Variants in TEX264 observed in about 807,000 individuals in gnomAD.
The protein encoded by TEX264 is testis expressed 264, ER-phagy receptor.
In TEX264, 13 loss-of-function variants were observed where a neutral mutation model predicts 23.4. That is an observed-to-expected ratio of 0.56 (90% confidence interval 0.36 to 0.88). The LOEUF is 0.88. Ranked by LOEUF, TEX264 falls within the 40% of genes least tolerant of loss-of-function variation. The pLI, the probability that TEX264 is intolerant of heterozygous loss-of-function variation, is 0.01. For synonymous variants in TEX264, 159 were observed against 170.0 expected, an observed-to-expected ratio of 0.94 and a Z score of 0.50; for missense variants, 340 against 406.8, an observed-to-expected ratio of 0.84 and a Z score of 1.41.
Position 51,703,823 on chromosome 3 carries a change from G to T in TEX264, c.749G>T (p.Arg250Leu). The change falls in exon 5 of 5, where the codon CGT becomes CTT. Residue 250 changes from arginine to leucine, a missense_variant. Arg to Leu is a moderately radical substitution (Grantham distance 102, BLOSUM62 -2). Transcript: ENST00000341333. This position sits in a 1 kb window ranked among gnomAD's most constrained non-coding sequence, Gnocchi z 4.8. ...ACACTGTCACCTGGGGCGAGCAGCCGTGGCTGGGATGACGGTGACACCCGC... is the reference window on the plus strand; with the variant it reads ...ACACTGTCACCTGGGGCGAGCAGCCTTGGCTGGGATGACGGTGACACCCGC... ...AATLSPGASSRGWDDGDTRSE... is the reference protein window; with the variant it reads ...AATLSPGASSLGWDDGDTRSE... The T allele has an allele frequency of 6.2e-7, 1 of 1,612,744 alleles. No homozygotes were observed. The highest frequency in any genetic ancestry group is 8.5e-7 in the Non-Finnish European group (1 of 1,179,062).
intron 3 of TEX264, among the ~76,000 whole-genome samples, chr3:51,687,457 G>A (rs760173721): frequency 3.3e-5 from 5 of 152,246 alleles, no homozygotes; most frequent in African/African-American, 9.6e-5. Context: ...CATCTCCCCT[G>A]CCCTGAGGTC....
chr3:51,695,588 G>A (rs1008529334), intron 3 of TEX264, among the ~76,000 whole-genome samples: 1 of 152,250 alleles, frequency 6.6e-6, no homozygotes, highest in Non-Finnish European at 1.5e-5. Context: ...TGCTGGGGAG[G>A]CACTGTGGGT....
chr3:51,690,630 C>T (rs1360948779), intron 3 of TEX264, among the ~76,000 whole-genome samples: 12 of 152,038 alleles, frequency 7.9e-5, no homozygotes, highest in Non-Finnish European at 2.9e-5. Flanking sequence ...TTCCCTCTTC[C>T]TGCCTGTCAC....
At chr3:51,694,085 G>T (rs28557153) in intron 3 of TEX264, among the ~76,000 whole-genome samples, 4,573 of 84,858 alleles carry the variant, frequency 0.054, 182 homozygotes, top group African/African-American at 0.073. Flanking sequence ...CCTTCCGTCC[G>T]TCCTTCCTTC....
At chr3:51,688,097 A>G (rs1206245631) in intron 3 of TEX264, among the ~76,000 whole-genome samples, 1 of 152,208 alleles carries the variant, frequency 6.6e-6, no homozygotes, top group Non-Finnish European at 1.5e-5. Flanking sequence ...ATCACTCCAT[A>G]TGGAAGATGC....
chr3:51,699,497 A>G lies in TEX264; in HGVS notation c.572A>G (p.Tyr191Cys), dbSNP rs748478449. The G allele has an allele frequency of 1.2e-5, 20 of 1,614,000 alleles. No individual in the cohort carries two copies. The highest frequency in any genetic ancestry group is 8.0e-5 in the African/African-American group (6 of 74,932). Residue 191 changes from tyrosine to cysteine, a missense_variant, in exon 4 of 5, where the codon TAT becomes TGT. Physicochemically the swap from Tyr to Cys is radical, Grantham distance 194. Transcript: ENST00000341333. ...CCACTGGCACGGCAGGGAGACTTCT[A>G]TGTGCCTGAGATGAAGGAGACAGAG... is the stretch of plus-strand genomic sequence containing the variant. Reference protein sequence around the residue: ...MCPLARQGDFYVPEMKETEWK... With the variant: ...MCPLARQGDFCVPEMKETEWK...
At chr3:51,696,504 G>C (rs1295689434) in intron 3 of TEX264, among the ~76,000 whole-genome samples, 1 of 152,220 alleles carries the variant, frequency 6.6e-6, no homozygotes, top group African/African-American at 2.4e-5. Flanking sequence ...TGGTCACCCT[G>C]TCTTCCCTCC....
rs571789150 is a variant in TEX264 at position 51,677,283 on chromosome 3, G to C, written c.258+2721G>C. Among the ~76,000 whole-genome samples the C allele has an allele frequency of 4.4e-4, 67 of 152,296 alleles. 2 individuals carry two copies. The South Asian group carries it at 7.3e-3, about 16-fold the overall frequency. Reference sequence around the variant, plus strand: ...TAGGGTACCATGGGGACCAGGACCTGCCAGTGTGTGGGTGTTAGGAGCCTA... The same window carrying C: ...TAGGGTACCATGGGGACCAGGACCTCCCAGTGTGTGGGTGTTAGGAGCCTA... On this transcript the variant is annotated intron_variant, in intron 2 of 4. Transcript: ENST00000341333.
intron 4 of TEX264, among the ~76,000 whole-genome samples, chr3:51,702,567 A>G (rs955208253): frequency 2.0e-5 from 3 of 152,176 alleles, no homozygotes; most frequent in Non-Finnish European, 2.9e-5. Flanking sequence ...GGCGCCAAGC[A>G]GACCCCAGCT....
intron 3 of TEX264, among the ~76,000 whole-genome samples, chr3:51,685,083 G>A (rs1365287653): frequency 1.3e-5 from 2 of 152,204 alleles, no homozygotes; most frequent in Non-Finnish European, 2.9e-5. Context: ...TTATACATCT[G>A]CTCCCAGAGG....
At chr3:51,701,525 A>G (rs1291797841) in intron 4 of TEX264, among the ~76,000 whole-genome samples, 1 of 151,934 alleles carries the variant, frequency 6.6e-6, no homozygotes, top group Non-Finnish European at 1.5e-5. Flanking sequence ...GTGTTTCGCC[A>G]TATTGCCCAG....
intron 2 of TEX264, chr3:51,682,468 G>C (rs893033880): frequency 6.6e-6 from 1 of 152,342 alleles, no homozygotes; most frequent in Non-Finnish European, 1.5e-5. Flanking sequence ...ATTTGAACCG[G>C]AAGGACAGGC....
At position 51,703,731 on chromosome 3, in the gene TEX264, C is replaced by T. The variant is rs1257933746; in HGVS notation, c.657C>T (p.Asp219=). ...IDTQVDGTGA[D]TMSDTSSVSL... The stretch of plus-strand genomic sequence containing the variant: ...CCCTTTTCCTGGTCATAGGAGCTGA[C>T]ACAATGAGTGACACGAGTTCTGTAA... The change falls in exon 5 of 5, where the codon GAC becomes GAT. Residue 219 remains aspartate, a synonymous_variant. Coordinates refer to ENST00000341333, the MANE Select transcript of TEX264 (RefSeq NM_015926.6). The surrounding 1 kb of genome is among the most constrained non-coding windows in gnomAD (Gnocchi z 4.8). 1.3e-6 allele frequency: 2 copies of T among 1,586,356 alleles called. No homozygotes were observed. The highest frequency in any genetic ancestry group is 2.3e-5 in the South Asian group (2 of 88,830).
chr3:51,674,381 G>A lies in TEX264; in HGVS notation c.77G>A (p.Gly26Glu), dbSNP rs368266955. Reference protein sequence around the residue: ...LLLLTLLAFAGYSGLLAGVEV... With the variant: ...LLLLTLLAFAEYSGLLAGVEV... ...CTGCTGACGCTGCTGGCCTTTGCCG[G>A]GTACTCAGGGCTACTGGCTGGGGTG... Residue 26 changes from glycine to glutamate, a missense_variant, in exon 2 of 5, where the codon GGG (glycine) becomes GAG (glutamate). Coordinates refer to ENST00000341333, the MANE Select transcript of TEX264 (RefSeq NM_015926.6). The A allele has an allele frequency of 1.2e-6, 2 of 1,614,228 alleles. No homozygotes were observed. Among genetic ancestry groups the A allele is most frequent in the Non-Finnish European group, 1.7e-6 (2 of 1,180,042 alleles).
Position 51,684,413 on chromosome 3 carries a change from G to C in TEX264, c.259G>C (p.Val87Leu). Residue 87 changes from valine to leucine, a missense_variant and splice_region_variant, in exon 3 of 5, where the codon GTG (valine) becomes CTG (leucine). By Grantham distance (32) the Val-to-Leu change is conservative. Transcript: ENST00000341333. ...IAVYYDNPHM[V>L]PPDKCRCAVG... The stretch of plus-strand genomic sequence containing the variant: ...TCACACCCATGCTTTGCTTCCCCAG[G>C]TGCCCCCTGATAAGTGCCGATGTGC... 1 of 1,613,652 alleles carries C rather than the reference G, an allele frequency of 6.2e-7. No homozygotes were observed. The highest frequency in any genetic ancestry group is 8.5e-7 in the Non-Finnish European group (1 of 1,179,624).
At chr3:51,694,045 T>TCCTC (rs1318013978) in intron 3 of TEX264, among the ~76,000 whole-genome samples, 6 of 117,370 alleles carry the variant, frequency 5.1e-5, no homozygotes, top group African/African-American at 2.0e-4. Context: ...CTTCCTTCCT[T>TCCTC]CCTCCCTTCC....
intron 3 of TEX264, among the ~76,000 whole-genome samples, chr3:51,698,444 G>T (rs1703154682): frequency 6.6e-6 from 1 of 152,198 alleles, no homozygotes; most frequent in African/African-American, 2.4e-5. Flanking sequence ...GTGGGTATTT[G>T]TGCTCCTTCG....
At chr3:51,694,049 CCCTT>C (rs1455202885) in intron 3 of TEX264, among the ~76,000 whole-genome samples, 2 of 98,942 alleles carry the variant, frequency 2.0e-5, no homozygotes, top group African/African-American at 7.7e-5. Context: ...CTTCCTTCCT[CCCTT>C]CCCTTCCCTT....
rs909703663 is a variant in TEX264, at chr3:51,699,474, A to G, written c.549A>G (p.Pro183=). The change falls in exon 4 of 5, where the codon CCA becomes CCG. Residue 183 remains proline, a synonymous_variant. Coordinates refer to ENST00000341333, the MANE Select transcript of TEX264 (RefSeq NM_015926.6). ...YQEDQIHFMC[P]LARQGDFYVP... The stretch of plus-strand genomic sequence containing the variant: ...AAGACCAGATCCATTTCATGTGCCC[A>G]CTGGCACGGCAGGGAGACTTCTATG... 2 of 1,613,998 alleles carry G rather than the reference A, an allele frequency of 1.2e-6. No homozygotes were observed. The highest frequency in any genetic ancestry group is 1.3e-5 in the African/African-American group (1 of 74,926).
Sources: gnomAD v4.1 joint callset for allele counts (sites outside exome capture counted in the v4.1 genomes callset) on GRCh38, gnomAD v4.1.1 for gene constraint, Gnocchi (gnomAD v3.1) non-coding constraint, MANE v1.5 for transcripts, NCBI Gene and HGNC (gene_info 2026-07-23, HGNC 2026-07-21) for gene names.